Variants in NAXD observed in about 807,000 individuals in gnomAD.
The protein encoded by NAXD is ATP-dependent (S)-NAD(P)H-hydrate dehydratase.
Under a neutral mutation model 35.8 loss-of-function variants are expected in NAXD, and 22 were observed. The observed-to-expected ratio is 0.62, with a 90% CI of 0.44 to 0.88. NAXD has a LOEUF of 0.88. Ranked by LOEUF, NAXD falls within the 40% of genes least tolerant of loss-of-function variation. The probability of loss-of-function intolerance (pLI) is 0.00; values close to 1 mark genes in which losing one functional copy is unlikely to be tolerated. For synonymous variants in NAXD, 189 were observed against 177.6 expected, an observed-to-expected ratio of 1.06 and a Z score of -0.51; for missense variants, 428 against 437.7, an observed-to-expected ratio of 0.98 and a Z score of 0.20.
chr13:110,626,528 GGA>G (rs991767092), intron 4 of NAXD, among the ~76,000 whole-genome samples: 1 of 148,964 alleles, frequency 6.7e-6, no homozygotes, highest in Non-Finnish European at 1.5e-5. Flanking sequence ...GCTTAAAGCT[GGA>G]AGACGAGGGA....
At chr13:110,634,188 C>T (rs1218040577) in intron 5 of NAXD, among the ~76,000 whole-genome samples, 1 of 152,178 alleles carries the variant, frequency 6.6e-6, no homozygotes, top group Non-Finnish European at 1.5e-5. Context: ...TAAGAGTCTG[C>T]TCAATTTTCT....
At chr13:110,632,629 C>G (rs1044251572) in intron 5 of NAXD, among the ~76,000 whole-genome samples, 2 of 152,286 alleles carry the variant, frequency 1.3e-5, no homozygotes, top group East Asian at 1.9e-4. Flanking sequence ...ACCAGAGCAT[C>G]TAGATACAGA....
intron 1 of NAXD, chr13:110,615,918 C>T (rs1886033924): frequency 4.9e-6 from 3 of 617,984 alleles, no homozygotes; most frequent in Admixed American, 4.4e-5. Flanking sequence ...GCGGCGACGG[C>T]TGGGCGCGGC....
chr13:110,635,700 T>G, intron 8 of NAXD, 112 bp downstream of exon 8: 1 of 1,225,236 alleles, frequency 8.2e-7, no homozygotes, highest in Non-Finnish European at 1.2e-6. Context: ...TCACACACAT[T>G]CACACAGGGA....
chr13:110,634,706 T>C lies in NAXD; in HGVS notation c.527T>C (p.Leu176Pro). 6.2e-7 allele frequency: 1 copy of C among 1,614,154 alleles called. No homozygotes were observed. Among genetic ancestry groups the C allele is most frequent in the Non-Finnish European group, 8.5e-7 (1 of 1,180,024 alleles). ...GLWLVAQQPA[L>P]IHGYRKAVLT... is the part of the protein sequence containing the mutation. The stretch of plus-strand genomic sequence containing the variant: ...TGGCTGGTCGCTCAGCAGCCGGCCC[T>C]CATCCATGGCTACCGGAAGGCTGTG... Residue 176 changes from leucine to proline, a missense_variant, in exon 7 of 10, where the codon CTC (leucine) becomes CCC (proline). Physicochemically the swap from Leu to Pro is moderately conservative, Grantham distance 98. This residue lies in a region of NAXD where 209 missense variants were observed against 214.6 expected (regional missense o/e 0.97). Coordinates refer to ENST00000680254, the MANE Select transcript of NAXD (RefSeq NM_001242882.2).
At chr13:110,623,609 C>T (rs545842836) in intron 2 of NAXD, among the ~76,000 whole-genome samples, 82 of 152,382 alleles carry the variant, frequency 5.4e-4, no homozygotes, top group Middle Eastern at 3.4e-3. Context: ...CAGAAGCCTG[C>T]GGTCAGCTCC....
At position 110,639,178 on chromosome 13, in the gene NAXD, G is replaced by A. The variant is rs1184961227; in HGVS notation, c.*650G>A. The A allele has an allele frequency of 4.0e-5, 7 of 175,402 alleles. No homozygotes were observed. The highest frequency in any genetic ancestry group is 2.6e-4 in the South Asian group (2 of 7,656). 10.9% of individuals were successfully genotyped at this position (175,402 alleles called of 1,614,324 possible). A position where few individuals can be genotyped will look rare whatever the true frequency, so the allele number is the denominator to read the frequency against. ...GGGAACAGAAGGAAACATGAGTGAC[G>A]CTGACCCTTGAGTGTGTGGGTGGGG... On this transcript the variant is annotated 3_prime_UTR_variant, in exon 10 of 10. Coordinates refer to ENST00000680254, the MANE Select transcript of NAXD (RefSeq NM_001242882.2).
At chr13:110,617,303 G>T (rs549414237) in intron 1 of NAXD, among the ~76,000 whole-genome samples, 1 of 152,124 alleles carries the variant, frequency 6.6e-6, no homozygotes, top group Middle Eastern at 3.2e-3. Context: ...CCCCAGACAC[G>T]CTTCCTTAAA....
chr13:110,638,470 C>T lies in NAXD; in HGVS notation c.932C>T (p.Thr311Ile). The change falls in exon 10 of 10, where the codon ACC becomes ATC. Residue 311 changes from threonine (T) to isoleucine (I), a missense_variant. Around this residue, in one of 3 missense-constraint regions of NAXD, gnomAD observed 209 missense variants for 214.6 expected, o/e 0.97. Transcript: ENST00000680254. This position sits in a 1 kb window ranked among gnomAD's most constrained non-coding sequence, Gnocchi z 5.4. ...TTCCAGAAGCACGGTCGCTCCACCA[C>T]CACCTCCGACATGATCGCCGAGGTG... is the stretch of plus-strand genomic sequence containing the variant. Reference protein sequence around the residue: ...QAFQKHGRSTTTSDMIAEVGA... With the variant: ...QAFQKHGRSTITSDMIAEVGA... 2 of 1,613,356 alleles carry T rather than the reference C, an allele frequency of 1.2e-6. No individual in the cohort carries two copies. Among genetic ancestry groups the T allele is most frequent in the East Asian group, 4.5e-5 (2 of 44,876 alleles).
At chr13:110,629,925 G>A (rs898686693) in intron 5 of NAXD, among the ~76,000 whole-genome samples, 1 of 152,190 alleles carries the variant, frequency 6.6e-6, no homozygotes, top group African/African-American at 2.4e-5. Context: ...TCTAGTGGGC[G>A]TGGAGCGACC....
chr13:110,631,788 G>T lies in NAXD; in HGVS notation c.442-2757G>T, dbSNP rs547876860. 3.4e-4 allele frequency among the ~76,000 whole-genome samples: 52 copies of T among 152,242 alleles called. 1 individual carries two copies. The highest frequency in any genetic ancestry group is 1.2e-3 in the African/African-American group (49 of 41,538). Reference sequence around the variant, plus strand: ...ATAATAAACTTCCATGAAGTCTCAGGTACCTGCCTCCCTGGAAGGGGCTTC... The same window carrying T: ...ATAATAAACTTCCATGAAGTCTCAGTTACCTGCCTCCCTGGAAGGGGCTTC... On this transcript the variant is annotated intron_variant, in intron 5 of 9. Coordinates refer to ENST00000680254, the MANE Select transcript of NAXD (RefSeq NM_001242882.2).
intron 7 of NAXD, among the ~76,000 whole-genome samples, 182 bp downstream of exon 7, chr13:110,634,958 G>A (rs1320634354): frequency 1.3e-5 from 2 of 152,240 alleles, no homozygotes; most frequent in Non-Finnish European, 2.9e-5. Context: ...GAACGATGGT[G>A]TAGTGGGCTT....
At chr13:110,633,739 G>A (rs935663337) in intron 5 of NAXD, among the ~76,000 whole-genome samples, 3 of 151,444 alleles carry the variant, frequency 2.0e-5, no homozygotes, top group Admixed American at 6.6e-5. Context: ...ACATATATGT[G>A]TGTGTATCTA....
At chr13:110,620,432 T>C (rs1032117857) in intron 1 of NAXD, among the ~76,000 whole-genome samples, 1 of 151,818 alleles carries the variant, frequency 6.6e-6, no homozygotes, top group African/African-American at 2.4e-5. Flanking sequence ...ATACAAAAAT[T>C]AGCTGGGCGT....
At chr13:110,627,386 T>G in intron 4 of NAXD, 53 bp from the exon 5 acceptor site, 4 of 1,111,206 alleles carry the variant, frequency 3.6e-6, no homozygotes, top group Non-Finnish European at 5.5e-6. Context: ...TACATGACAG[T>G]AAGTAAATGA....
intron 1 of NAXD, among the ~76,000 whole-genome samples, chr13:110,620,411 C>G (rs1282264723): frequency 1.3e-5 from 2 of 151,876 alleles, no homozygotes; most frequent in African/African-American, 2.4e-5. Flanking sequence ...GAAACCCCGT[C>G]TCTGCTAAAA....
At chr13:110,624,822 A>G (rs1378687006) in intron 3 of NAXD, among the ~76,000 whole-genome samples, 1 of 152,194 alleles carries the variant, frequency 6.6e-6, no homozygotes, top group East Asian at 1.9e-4. Flanking sequence ...ACCAAAGTGC[A>G]CCTGGGATGC....
intron 1 of NAXD, among the ~76,000 whole-genome samples, chr13:110,617,421 C>G (rs1282061746): frequency 6.6e-6 from 1 of 152,142 alleles, no homozygotes; most frequent in Non-Finnish European, 1.5e-5. Context: ...TTTTATCCTT[C>G]AGAACTTTGA....
intron 1 of NAXD, among the ~76,000 whole-genome samples, chr13:110,620,409 G>A (rs1449941947): frequency 5.9e-5 from 9 of 151,776 alleles, no homozygotes; most frequent in Non-Finnish European, 1.2e-4. Flanking sequence ...GTGAAACCCC[G>A]TCTCTGCTAA....
Sources: gnomAD v4.1 joint callset for allele counts (sites outside exome capture counted in the v4.1 genomes callset) on GRCh38, gnomAD v4.1.1 for gene constraint, gnomAD v4.1.1 regional missense constraint, Gnocchi (gnomAD v3.1) non-coding constraint, MANE v1.5 for transcripts, NCBI Gene and HGNC (gene_info 2026-07-23, HGNC 2026-07-21) for gene names.